Variants in C1orf159 observed in about 807,000 individuals in gnomAD.
C1orf159 encodes the protein chromosome 1 open reading frame 159.
A neutral mutation model predicts 25.6 loss-of-function variants in C1orf159; 19 were observed. The observed-to-expected ratio is 0.74, with a 90% CI of 0.52 to 1.09. The LOEUF (loss-of-function observed/expected upper bound fraction) is 1.09, where lower values mean the gene tolerates loss of function less well. C1orf159 is among the 50% of genes least tolerant of loss of function. The pLI, the probability that C1orf159 is intolerant of heterozygous loss-of-function variation, is 0.00. For missense variants in C1orf159, 274 were observed against 290.6 expected, an observed-to-expected ratio of 0.94 and a Z score of 0.42; for synonymous variants, 139 against 124.7, an observed-to-expected ratio of 1.12 and a Z score of -0.77.
chr1:1,097,499 A>G (rs929473495), intron 1 of C1orf159, among the ~76,000 whole-genome samples: 1 of 151,574 alleles, frequency 6.6e-6, no homozygotes, highest in Non-Finnish European at 1.5e-5. Flanking sequence ...TGCAGCCTCA[A>G]CCTCCTGGGC....
At chr1:1,083,332 G>A (rs1315396900) in intron 9 of C1orf159, 4 of 268,960 alleles carry the variant, frequency 1.5e-5, no homozygotes, top group South Asian at 8.0e-5. Flanking sequence ...CCAAGACCTC[G>A]AATGTGACCT....
At chr1:1,083,107 T>A in intron 9 of C1orf159, 120 bp from the exon 10 acceptor site, 1 of 794,556 alleles carries the variant, frequency 1.3e-6, no homozygotes, top group Non-Finnish European at 2.0e-6. Context: ...CCCGGGGCTG[T>A]TTACTCTGAC....
intron 1 of C1orf159, among the ~76,000 whole-genome samples, chr1:1,093,147 G>A (rs951501442): frequency 6.6e-6 from 1 of 152,166 alleles, no homozygotes; most frequent in Non-Finnish European, 1.5e-5. Flanking sequence ...CACCCACAGA[G>A]TGCAATCAAG....
chr1:1,105,288 G>C (rs897243757), intron 1 of C1orf159, among the ~76,000 whole-genome samples: 1 of 152,204 alleles, frequency 6.6e-6, no homozygotes, highest in Non-Finnish European at 1.5e-5. Context: ...GGAAGGCTGA[G>C]GCTGGAGGAT....
At chr1:1,091,131 G>C in intron 3 of C1orf159, 1 of 660,504 alleles carries the variant, frequency 1.5e-6, no homozygotes, top group South Asian at 1.9e-5. Flanking sequence ...CTCCGCCTGG[G>C]AGTCTGGAGC....
intron 1 of C1orf159, among the ~76,000 whole-genome samples, chr1:1,105,465 C>T (rs150172532): frequency 1.3e-5 from 2 of 152,142 alleles, no homozygotes; most frequent in East Asian, 3.9e-4. Context: ...GAGATCGCGC[C>T]ACCACACCCT....
chr1:1,094,901 CTGAGTCACCTT>C (rs1302612155), intron 1 of C1orf159, among the ~76,000 whole-genome samples: 1 of 152,198 alleles, frequency 6.6e-6, no homozygotes, highest in Non-Finnish European at 1.5e-5. Flanking sequence ...CTTTTGCATT[CTGAGTCACCTT>C]TGTGTATGGT....
Position 1,110,183 on chromosome 1 carries a change from T to A in C1orf159, c.-136+5877A>T, listed in dbSNP as rs1271508217. Among the ~76,000 whole-genome samples, 1 of 152,228 alleles carries A rather than the reference T, an allele frequency of 6.6e-6. No individual in the cohort carries two copies. The highest frequency in any genetic ancestry group is 1.9e-4 in the East Asian group (1 of 5,200). On this transcript the variant is annotated intron_variant, in intron 1 of 9. Coordinates refer to ENST00000421241, the MANE Select transcript of C1orf159 (RefSeq NM_017891.5). This position sits in a 1 kb window ranked among gnomAD's most constrained non-coding sequence, Gnocchi z 4.8. ...CGTGATCTCCACTTTAACACTAATGTTGGTCAGTTGTGTCTAAACTGAAAA... is the reference window on the plus strand; with the variant it reads ...CGTGATCTCCACTTTAACACTAATGATGGTCAGTTGTGTCTAAACTGAAAA...
At chr1:1,107,755 C>G (rs775849524) in intron 1 of C1orf159, among the ~76,000 whole-genome samples, 1 of 152,216 alleles carries the variant, frequency 6.6e-6, no homozygotes, top group African/African-American at 2.4e-5. Context: ...TCCCCTTCCA[C>G]ACTATGGAAG....
rs1370354679 is a variant in C1orf159, at chr1:1,115,495, AC to A, written c.-136+564del. Among the ~76,000 whole-genome samples the A allele has an allele frequency of 1.8e-4, 6 of 33,482 alleles. No individual in the cohort carries two copies. In the Admixed American group the frequency reaches 2.5e-3, roughly 14 times the overall value. The allele number at this position is 33,482 out of a possible 152,430, so 22.0% of individuals were successfully genotyped here. On this transcript the variant is annotated intron_variant, in intron 1 of 9. Transcript: ENST00000421241. ...CGCCCGTCCCATCCCCTCCCCAGGG[AC>A]CCCCTCCCTGCCCCGAGAACCCCCT... is the stretch of plus-strand genomic sequence containing the variant.
At chr1:1,100,855 T>G (rs1173583388) in intron 1 of C1orf159, among the ~76,000 whole-genome samples, 2 of 152,246 alleles carry the variant, frequency 1.3e-5, no homozygotes, top group African/African-American at 4.8e-5. Flanking sequence ...AATGTAGACA[T>G]GTAGACACCT....
intron 3 of C1orf159, chr1:1,091,158 C>G (rs1645925798): frequency 1.6e-6 from 1 of 623,928 alleles, no homozygotes. Context: ...AGCTACACTC[C>G]CCGATAGCGA....
At chr1:1,101,574 G>A (rs1360639473) in intron 1 of C1orf159, among the ~76,000 whole-genome samples, 1 of 151,952 alleles carries the variant, frequency 6.6e-6, no homozygotes, top group Non-Finnish European at 1.5e-5. Flanking sequence ...TCGGCTCAGG[G>A]TCCATTGGCT....
chr1:1,094,607 G>A (rs1021489980), intron 1 of C1orf159, among the ~76,000 whole-genome samples: 1 of 152,086 alleles, frequency 6.6e-6, no homozygotes, highest in Non-Finnish European at 1.5e-5. Flanking sequence ...GCACCATGTT[G>A]GCCAGGATGG....
Position 1,110,159 on chromosome 1 carries a change from G to C in C1orf159, c.-136+5901C>G, listed in dbSNP as rs1028661479. 6.6e-6 allele frequency among the ~76,000 whole-genome samples: 1 copy of C among 152,180 alleles called. No individual in the cohort carries two copies. The highest frequency in any genetic ancestry group is 2.4e-5 in the African/African-American group (1 of 41,428). On this transcript the variant is annotated intron_variant, in intron 1 of 9. Transcript: ENST00000421241. This position sits in a 1 kb window ranked among gnomAD's most constrained non-coding sequence, Gnocchi z 4.8. ...TATTGCCGCAGAGTCTGTCAGTCTC[G>C]TGATCTCCACTTTAACACTAATGTT... is the stretch of plus-strand genomic sequence containing the variant.
Position 1,084,508 on chromosome 1 carries a change from T to C in C1orf159, c.446-2A>G. The C allele has an allele frequency of 6.4e-7, 1 of 1,553,556 alleles. No individual in the cohort carries two copies. The highest frequency in any genetic ancestry group is 8.7e-7 in the Non-Finnish European group (1 of 1,148,850). ...CTTCGCCAGGCTGCAGGGCCGGAGC[T>C]GTGGGGGAGAAAGCGGAGAGTCACC... On this transcript the variant is annotated splice_acceptor_variant, in intron 7 of 9. Coordinates refer to ENST00000421241, the MANE Select transcript of C1orf159 (RefSeq NM_017891.5). LOFTEE classifies it high-confidence loss of function.
chr1:1,086,029 C>T lies in C1orf159; in HGVS notation c.311-17G>A. The T allele has an allele frequency of 6.2e-7, 1 of 1,612,228 alleles. No individual in the cohort carries two copies. The highest frequency in any genetic ancestry group is 2.2e-5 in the East Asian group (1 of 44,866). On this transcript the variant is annotated splice_polypyrimidine_tract_variant and intron_variant, in intron 6 of 9. Transcript: ENST00000421241. ...GCGGAGCCCCTGCAAACAGACACCG[C>T]TGAGCAGACGGGCAGGACGGTGGCC...
In C1orf159 at chr1:1,087,027, G is replaced by T; in HGVS notation, c.310+112C>A. The T allele has an allele frequency of 8.8e-7, 1 of 1,135,076 alleles. No individual in the cohort carries two copies. The highest frequency in any genetic ancestry group is 1.3e-6 in the Non-Finnish European group (1 of 790,452). 70.3% of individuals were successfully genotyped at this position (1,135,076 alleles called of 1,614,324 possible). A position where few individuals can be genotyped will look rare whatever the true frequency, so the allele number is the denominator to read the frequency against. ...TGCCACGCTCCCCTCTGGCTGTTTT[G>T]CAGAACCCTGAGCCTGCTGTGGCTG... On this transcript the variant is annotated intron_variant, in intron 6 of 9. Coordinates refer to ENST00000421241, the MANE Select transcript of C1orf159 (RefSeq NM_017891.5). This position sits in a 1 kb window ranked among gnomAD's most constrained non-coding sequence, Gnocchi z 8.3.
At chr1:1,086,352 T>C (rs1435132899) in intron 6 of C1orf159, among the ~76,000 whole-genome samples, 1 of 152,078 alleles carries the variant, frequency 6.6e-6, no homozygotes, top group Non-Finnish European at 1.5e-5. Flanking sequence ...AGCCAGGGGG[T>C]TCTCAGCCTT....
Sources: gnomAD v4.1 joint callset for allele counts (sites outside exome capture counted in the v4.1 genomes callset) on GRCh38, gnomAD v4.1.1 for gene constraint, Gnocchi (gnomAD v3.1) non-coding constraint, MANE v1.5 for transcripts, NCBI Gene and HGNC (gene_info 2026-07-23, HGNC 2026-07-21) for gene names.